The following TRA2A variants were observed in gnomAD, a reference collection of about 807,000 sequenced individuals.
TRA2A encodes transformer-2 protein homolog alpha.
TRA2A carries 31 observed loss-of-function variants against 45.7 expected under a neutral mutation model. The observed-to-expected ratio is 0.68, with a 90% CI of 0.51 to 0.92. The LOEUF (loss-of-function observed/expected upper bound fraction) is 0.92, where lower values mean the gene tolerates loss of function less well. Ranked by LOEUF, TRA2A falls within the 40% of genes least tolerant of loss-of-function variation. The pLI is 0.00. For synonymous variants in TRA2A, 132 were observed against 126.2 expected (o/e 1.05, Z -0.31); for missense variants, 304 against 367.5 (o/e 0.83, Z 1.41).
At chr7:23,514,335 T>C (rs1234358761) in intron 3 of TRA2A, among the ~76,000 whole-genome samples, 1 of 152,192 alleles carries the variant, frequency 6.6e-6, no homozygotes, top group East Asian at 1.9e-4. Context: ...AGCAGATATT[T>C]AAGAATGTTA....
chr7:23,527,322 A>G (rs1186987532), intron 1 of TRA2A, among the ~76,000 whole-genome samples: 1 of 152,056 alleles, frequency 6.6e-6, no homozygotes, highest in Non-Finnish European at 1.5e-5. Flanking sequence ...GGGAAACCAT[A>G]TTTCCCTTTA....
At chr7:23,524,327 G>A (rs1013542473) in intron 1 of TRA2A, among the ~76,000 whole-genome samples, 13 of 152,092 alleles carry the variant, frequency 8.5e-5, no homozygotes, top group African/African-American at 2.9e-4. Flanking sequence ...GGGATTACAG[G>A]CATGCACCAC....
intron 1 of TRA2A, among the ~76,000 whole-genome samples, chr7:23,530,789 G>C (rs1341069392): frequency 6.6e-6 from 1 of 152,126 alleles, no homozygotes; most frequent in African/African-American, 2.4e-5. Context: ...AGAGAAATGG[G>C]AGAGGGCCTG....
intron 3 of TRA2A, among the ~76,000 whole-genome samples, chr7:23,515,917 G>GT (rs1789846665): frequency 6.6e-6 from 1 of 150,952 alleles, no homozygotes; most frequent in African/African-American, 2.4e-5. Flanking sequence ...GCTCACGCCT[G>GT]TAACCCCAGC....
rs200126944 is a variant in TRA2A, at chr7:23,506,178, G to A, written c.730C>T (p.Arg244Cys). Residue 244 changes from arginine (R) to cysteine (C), a missense_variant, in exon 6 of 8, where the codon CGT (arginine) becomes TGT (cysteine). Physicochemically the swap from Arg to Cys is radical, Grantham distance 180 (BLOSUM62 -3). Around this residue, in one of 3 missense-constraint regions of TRA2A, gnomAD observed 130 missense variants for 217.1 expected, o/e 0.60. Transcript: ENST00000297071. ...TAGTCTTCATATCTGTCATACCCAC[G>A]ATCATATCCTCTATCATAGTAAGAA... Reference protein sequence around the residue: ...RDSYYDRGYDRGYDRYEDYDY... With the variant: ...RDSYYDRGYDCGYDRYEDYDY... 7.4e-6 allele frequency: 12 copies of A among 1,612,874 alleles called. No individual in the cohort carries two copies. Among genetic ancestry groups the A allele is most frequent in the Non-Finnish European group, 1.0e-5 (12 of 1,179,306 alleles).
intron 4 of TRA2A, among the ~76,000 whole-genome samples, chr7:23,511,980 T>C (rs1789644601): frequency 6.6e-6 from 1 of 152,262 alleles, no homozygotes; most frequent in Non-Finnish European, 1.5e-5. Context: ...AGAATTATTT[T>C]TTAAAAGTTA....
chr7:23,507,222 C>A (rs1789383043), intron 5 of TRA2A, 198 bp downstream of exon 5: 2 of 538,046 alleles, frequency 3.7e-6, no homozygotes, highest in Admixed American at 3.1e-5. Flanking sequence ...TGCCTCAGCT[C>A]CCGAGCAGCT....
intron 1 of TRA2A, among the ~76,000 whole-genome samples, chr7:23,530,906 C>T (rs888690860): frequency 7.0e-6 from 1 of 142,462 alleles, no homozygotes; most frequent in Non-Finnish European, 1.5e-5. Flanking sequence ...TAAAGAAAGA[C>T]AGATTTTTTT....
intron 2 of TRA2A, among the ~76,000 whole-genome samples, chr7:23,517,599 A>T (rs928067447): frequency 6.6e-6 from 1 of 150,550 alleles, no homozygotes; most frequent in Non-Finnish European, 1.5e-5. Context: ...AAAAAAAAAC[A>T]GAAACAAAGA....
At chr7:23,507,143 TGAG>T in intron 5 of TRA2A, 1 of 371,476 alleles carries the variant, frequency 2.7e-6, no homozygotes, top group Non-Finnish European at 4.8e-6. Flanking sequence ...TTTTCTTTTT[TGAG>T]AAAGAGTCTC....
At chr7:23,506,306 C>G (rs756005878) in intron 5 of TRA2A, 40 bp from the exon 6 acceptor site, 6 of 1,543,386 alleles carry the variant, frequency 3.9e-6, no homozygotes, top group Non-Finnish European at 5.3e-6. Context: ...GTGTGAATGA[C>G]TATTTTCCAG....
At chr7:23,516,686 C>T (rs1789886567) in intron 2 of TRA2A, among the ~76,000 whole-genome samples, 158 bp from the exon 3 acceptor site, 1 of 152,152 alleles carries the variant, frequency 6.6e-6, no homozygotes, top group Admixed American at 6.6e-5. Context: ...TAAGTCACTA[C>T]ATCTTCCACT....
At chr7:23,509,421 A>T (rs1288440962) in intron 4 of TRA2A, among the ~76,000 whole-genome samples, 1 of 152,184 alleles carries the variant, frequency 6.6e-6, no homozygotes, top group African/African-American at 2.4e-5. Context: ...AAAAAGGAAT[A>T]CAAATTTTAA....
intron 3 of TRA2A, 142 bp from the exon 4 acceptor site, chr7:23,513,224 T>G (rs531484538): frequency 2.0e-5 from 13 of 641,436 alleles, no homozygotes; most frequent in Non-Finnish European, 3.3e-5. Flanking sequence ...TTAAGAGAAC[T>G]AGAGCAGATG....
At chr7:23,529,853 CTTT>C (rs11415684) in intron 1 of TRA2A, among the ~76,000 whole-genome samples, 4 of 140,994 alleles carry the variant, frequency 2.8e-5, no homozygotes, top group Non-Finnish European at 3.1e-5. Context: ...GGGTGGGAAT[CTTT>C]TTTTTTTTTT....
At chr7:23,526,764 C>T (rs1790357280) in intron 1 of TRA2A, among the ~76,000 whole-genome samples, 1 of 152,122 alleles carries the variant, frequency 6.6e-6, no homozygotes, top group South Asian at 2.1e-4. Flanking sequence ...AATAATTTCC[C>T]TTCTTTTAAA....
Position 23,531,932 on chromosome 7 carries a change from ACCACAG to A in TRA2A, c.-114_-109del, listed in dbSNP as rs1261705231. 7.9e-7 allele frequency: 1 copy of A among 1,265,426 alleles called. No homozygotes were observed. Among genetic ancestry groups the A allele is most frequent in the African/African-American group, 1.5e-5 (1 of 68,000 alleles). The allele number at this position is 1,265,426 out of a possible 1,614,324, so 78.4% of individuals were successfully genotyped here. A position where few individuals can be genotyped will look rare whatever the true frequency, so the allele number is the denominator to read the frequency against. The stretch of plus-strand genomic sequence containing the variant: ...CGTGGGGAAGAGGAAAGAGTCGGCA[ACCACAG>A]CCGCTCCACTCCACTCCCACTCGGT... On this transcript the variant is annotated 5_prime_UTR_variant, in exon 1 of 8. Coordinates refer to ENST00000297071, the MANE Select transcript of TRA2A (RefSeq NM_013293.5).
chr7:23,522,753 C>T (rs186132955), intron 1 of TRA2A, among the ~76,000 whole-genome samples: 2 of 152,024 alleles, frequency 1.3e-5, no homozygotes, highest in Non-Finnish European at 2.9e-5. Context: ...TATAATTTCC[C>T]CCCACCTAAG....
rs182416610 is a variant in TRA2A, at chr7:23,527,277, A to G, written c.36+4512T>C. 4.5e-3 allele frequency among the ~76,000 whole-genome samples: 683 copies of G among 152,258 alleles called. 5 individuals are homozygous for G. The highest frequency in any genetic ancestry group is 0.027 in the Middle Eastern group (8 of 294). On this transcript the variant is annotated intron_variant, in intron 1 of 7. Coordinates refer to ENST00000297071, the MANE Select transcript of TRA2A (RefSeq NM_013293.5). ...AGTCATGGGACAGTAAGGATTATATATAACTATATATATAAGTAACTTAAA... is the reference window on the plus strand; with the variant it reads ...AGTCATGGGACAGTAAGGATTATATGTAACTATATATATAAGTAACTTAAA...
Sources: gnomAD v4.1 joint callset for allele counts (sites outside exome capture counted in the v4.1 genomes callset) on GRCh38, gnomAD v4.1.1 for gene constraint, gnomAD v4.1.1 regional missense constraint, MANE v1.5 for transcripts, NCBI Gene and HGNC (gene_info 2026-07-23, HGNC 2026-07-21) for gene names.